The following SYNJ2 variants were observed in gnomAD, a reference collection of about 807,000 sequenced individuals.
The protein encoded by SYNJ2 is synaptojanin 2.
Under a neutral mutation model 141.3 loss-of-function variants are expected in SYNJ2, and 116 were observed. The observed-to-expected ratio is 0.82, with a 90% confidence interval of 0.71 to 0.96. The LOEUF is 0.96. Ranked by LOEUF, SYNJ2 falls within the 40% of genes least tolerant of loss-of-function variation. The pLI is 0.00. For missense variants in SYNJ2, 1,873 were observed against 1,934.8 expected (o/e 0.97, Z 0.60); for synonymous variants, 745 against 777.7 (o/e 0.96, Z 0.70).
At position 158,095,604 on chromosome 6, in the gene SYNJ2, C is replaced by T. The variant is rs778627934; in HGVS notation, c.3745-14C>T. 16 of 1,574,666 alleles carry T rather than the reference C, an allele frequency of 1.0e-5. 1 individual carries two copies. The highest frequency in any genetic ancestry group is 1.3e-5 in the Non-Finnish European group (15 of 1,163,172). The stretch of plus-strand genomic sequence containing the variant: ...TGGCTTCTTATTTACACTCTTTGTC[C>T]CACCTTTTCTCAGCCCCTGTCACCG... On this transcript the variant is annotated splice_polypyrimidine_tract_variant and intron_variant, in intron 26 of 26. Coordinates refer to ENST00000355585, the MANE Select transcript of SYNJ2 (RefSeq NM_003898.4).
chr6:158,022,644 C>T (rs1693710920), intron 2 of SYNJ2, among the ~76,000 whole-genome samples: 1 of 152,196 alleles, frequency 6.6e-6, no homozygotes. Flanking sequence ...TGGAGGTGTG[C>T]AGAGCCTGGA....
chr6:157,996,941 A>C (rs376339509), intron 1 of SYNJ2, among the ~76,000 whole-genome samples: 2 of 152,122 alleles, frequency 1.3e-5, no homozygotes, highest in East Asian at 1.9e-4. Flanking sequence ...ACCCAGTCTC[A>C]GGCATTTCTT....
intron 6 of SYNJ2, 131 bp from the exon 7 acceptor site, chr6:158,059,126 G>A: frequency 2.1e-6 from 2 of 954,398 alleles, no homozygotes; most frequent in Non-Finnish European, 2.9e-6. Context: ...GGGTCATGGG[G>A]GACAGCTGGT....
rs535982575 is a variant in SYNJ2, at chr6:158,040,596, A to G, written c.712-2720A>G. Among the ~76,000 whole-genome samples, 15 of 152,274 alleles carry G rather than the reference A, an allele frequency of 9.9e-5. No homozygotes were observed. Among genetic ancestry groups the G allele is most frequent in the African/African-American group, 2.6e-4 (11 of 41,562 alleles). The stretch of plus-strand genomic sequence containing the variant: ...TCAAGATAAGGCCACTGACTCATTC[A>G]GGGAGGTTAGGATGACTGCGTGTCC... On this transcript the variant is annotated intron_variant, in intron 4 of 26. Transcript: ENST00000355585. This position sits in a 1 kb window ranked among gnomAD's most constrained non-coding sequence, Gnocchi z 4.2.
intron 5 of SYNJ2, among the ~76,000 whole-genome samples, chr6:158,044,856 C>T (rs972911768): frequency 6.6e-6 from 1 of 152,006 alleles, no homozygotes; most frequent in Non-Finnish European, 1.5e-5. Flanking sequence ...TTTTTGAAAC[C>T]TGATTTTCTT....
chr6:158,054,830 C>T, intron 5 of SYNJ2, 137 bp from the exon 6 acceptor site: 1 of 793,630 alleles, frequency 1.3e-6, no homozygotes, highest in Non-Finnish European at 2.1e-6. Flanking sequence ...CTTCCTGAGC[C>T]CTGAAGAGAC....
chr6:158,003,653 T>C (rs1378670097), intron 1 of SYNJ2, among the ~76,000 whole-genome samples: 1 of 152,132 alleles, frequency 6.6e-6, no homozygotes, highest in Non-Finnish European at 1.5e-5. Flanking sequence ...CCTTAAGGCG[T>C]GTTATTGTGG....
At chr6:157,981,800 G>A (rs1777020083), upstream of SYNJ2, 2 of 560,114 alleles carry the variant, frequency 3.6e-6, no homozygotes, top group Non-Finnish European at 5.2e-6. This position sits in a 1 kb window ranked among gnomAD's most constrained non-coding sequence, Gnocchi z 6.4. Flanking sequence ...CGCGAGTGGG[G>A]AGGAGGAGGA....
chr6:157,984,829 G>A (rs761345191), intron 1 of SYNJ2, among the ~76,000 whole-genome samples: 1 of 152,186 alleles, frequency 6.6e-6, no homozygotes, highest in Non-Finnish European at 1.5e-5. Flanking sequence ...GTTCCGAGTC[G>A]GGGGTAGCTT....
chr6:157,996,431 C>T (rs1777635345), intron 1 of SYNJ2, among the ~76,000 whole-genome samples: 1 of 152,168 alleles, frequency 6.6e-6, no homozygotes, highest in Admixed American at 6.5e-5. Context: ...CTGCTTGAAG[C>T]TCACACAGCC....
chr6:158,081,231 A>G lies in SYNJ2; in HGVS notation c.2690A>G (p.Gln897Arg), dbSNP rs1782657864. The G allele has an allele frequency of 1.9e-6, 3 of 1,614,162 alleles. No individual in the cohort carries two copies. Among genetic ancestry groups the G allele is most frequent in the Non-Finnish European group, 2.5e-6 (3 of 1,180,020 alleles). Reference protein sequence around the residue: ...PLDATVVVNLQSPTLEEKNEF... With the variant: ...PLDATVVVNLRSPTLEEKNEF... Reference sequence around the variant, plus strand: ...GATGCCACTGTTGTAGTAAACCTTCAATCACCGACCTTAGAAGAGAAAAAC... The same window carrying G: ...GATGCCACTGTTGTAGTAAACCTTCGATCACCGACCTTAGAAGAGAAAAAC... Residue 897 changes from glutamine to arginine, a missense_variant, in exon 19 of 27, where the codon CAA (glutamine) becomes CGA (arginine). Coordinates refer to ENST00000355585, the MANE Select transcript of SYNJ2 (RefSeq NM_003898.4).
chr6:158,024,422 A>C (rs2128332978), intron 2 of SYNJ2, among the ~76,000 whole-genome samples: 1 of 152,292 alleles, frequency 6.6e-6, no homozygotes, highest in South Asian at 2.1e-4. Flanking sequence ...GCGACAGAGC[A>C]AGACTGTCAC....
intron 25 of SYNJ2, among the ~76,000 whole-genome samples, chr6:158,092,179 A>G (rs113523062): frequency 9.9e-5 from 15 of 151,774 alleles, no homozygotes; most frequent in African/African-American, 3.6e-4. Context: ...GTCCCGGCTT[A>G]ACACTTTCTT....
chr6:158,048,851 C>T (rs916997306), intron 5 of SYNJ2, among the ~76,000 whole-genome samples: 4 of 152,314 alleles, frequency 2.6e-5, no homozygotes, highest in African/African-American at 9.6e-5. Flanking sequence ...GGTGCACCGT[C>T]GGCTTGCAAG....
At chr6:158,051,792 CAA>C (rs34963476) in intron 5 of SYNJ2, among the ~76,000 whole-genome samples, 11 of 128,254 alleles carry the variant, frequency 8.6e-5, no homozygotes, top group Non-Finnish European at 8.4e-5. Context: ...ACAAAAAATA[CAA>C]AAAAAAAAAA....
chr6:158,088,017 T>A (rs1721804836), intron 23 of SYNJ2, among the ~76,000 whole-genome samples: 1 of 112,342 alleles, frequency 8.9e-6, no homozygotes, highest in African/African-American at 2.7e-5. Flanking sequence ...TTTAACAGTT[T>A]ATTCCCCTGC....
chr6:158,089,064 A>G (rs1257193781), intron 24 of SYNJ2, among the ~76,000 whole-genome samples: 1 of 152,196 alleles, frequency 6.6e-6, no homozygotes, highest in African/African-American at 2.4e-5. Context: ...GTGTATGGGC[A>G]GAGCATTGCT....
At chr6:158,075,300 A>AG (rs1319841270) in intron 16 of SYNJ2, among the ~76,000 whole-genome samples, 1 of 151,838 alleles carries the variant, frequency 6.6e-6, no homozygotes, top group Non-Finnish European at 1.5e-5. Flanking sequence ...AGCTGAGATG[A>AG]GGGGAGTACA....
rs898461970 is a variant in SYNJ2 at position 158,033,488 on chromosome 6, C to T, written c.519C>T (p.His173=). 6.2e-7 allele frequency: 1 copy of T among 1,614,222 alleles called. No individual in the cohort carries two copies. The highest frequency in any genetic ancestry group is 8.5e-7 in the Non-Finnish European group (1 of 1,180,032). Residue 173 remains histidine, a synonymous_variant, in exon 4 of 27, where the codon CAC becomes CAT. Transcript: ENST00000355585. ...TGTTGCACGTGCCCTTGAGGCAGCA[C>T]CAGGTGAGCTGCTGTGACTGGCTGC... ...NQLLHVPLRQ[H]QVSCCDWLLK...
Sources: allele counts gnomAD v4.1 joint callset (sites outside exome capture counted in the v4.1 genomes callset), GRCh38; gene constraint gnomAD v4.1.1; non-coding constraint Gnocchi (gnomAD v3.1); transcripts MANE v1.5; gene names NCBI Gene and HGNC (gene_info 2026-07-23, HGNC 2026-07-21).